Variants in GCNT4 observed in about 807,000 individuals in gnomAD.
GCNT4 encodes the protein beta-1,3-galactosyl-O-glycosyl-glycoprotein beta-1,6-N-acetylglucosaminyltransferase 4.
Under a neutral mutation model 31.3 loss-of-function variants are expected in GCNT4, and 17 were observed. The observed-to-expected ratio is 0.54, with a 90% CI of 0.37 to 0.81. The LOEUF is 0.81. Ranked by LOEUF, GCNT4 falls within the 40% of genes least tolerant of loss-of-function variation. The pLI is 0.00. For synonymous variants in GCNT4, 158 were observed against 190.6 expected, an observed-to-expected ratio of 0.83 and a Z score of 1.41; for missense variants, 503 against 525.5, an observed-to-expected ratio of 0.96 and a Z score of 0.42.
chr5:75,041,879 A>G (rs1743328856), intron 3 of GCNT4, among the ~76,000 whole-genome samples: 1 of 152,210 alleles, frequency 6.6e-6, no homozygotes, highest in Non-Finnish European at 1.5e-5. Flanking sequence ...GGCCACATAC[A>G]ATGAAACTGA....
In GCNT4 at chr5:75,029,875, A is replaced by C; in HGVS notation, c.163T>G (p.Phe55Val). Residue 55 changes from phenylalanine (F) to valine (V), a missense_variant, in exon 4 of 4, where the codon TTT (phenylalanine) becomes GTT (valine). Physicochemically the swap from Phe to Val is conservative, Grantham distance 50. Coordinates refer to ENST00000652361, the MANE Select transcript of GCNT4 (RefSeq NM_001366737.1). Reference sequence around the variant, plus strand: ...ACATGAGTGTATCTGTTTCTTACAAAAGGCGAGGTACTTAGGGAGTACTCA... The same window carrying C: ...ACATGAGTGTATCTGTTTCTTACAACAGGCGAGGTACTTAGGGAGTACTCA... ...LVEYSLSTSP[F>V]VRNRYTHVKD... The C allele has an allele frequency of 1.9e-6, 3 of 1,614,174 alleles. No homozygotes were observed. The highest frequency in any genetic ancestry group is 2.5e-6 in the Non-Finnish European group (3 of 1,180,024).
At chr5:75,039,510 GATAA>G (rs1413106339) in intron 3 of GCNT4, among the ~76,000 whole-genome samples, 8 of 152,182 alleles carry the variant, frequency 5.3e-5, no homozygotes, top group African/African-American at 1.9e-4. Flanking sequence ...CAAGTCAGAA[GATAA>G]ATAACTTACC....
the GCNT4 span, among the ~76,000 whole-genome samples, chr5:75,020,281 CGGCAT>C: frequency 2.0e-5 from 3 of 152,128 alleles, no homozygotes; most frequent in Non-Finnish European, 2.9e-5. Flanking sequence ...TGGCACGGCA[CGGCAT>C]GGCACGGCAC....
Position 75,029,327 on chromosome 5 carries a change from A to G in GCNT4, c.711T>C (p.Phe237=), listed in dbSNP as rs745597009. The change falls in exon 4 of 4, where the codon TTT becomes TTC. Residue 237 remains phenylalanine (F), a synonymous_variant. Coordinates refer to ENST00000652361, the MANE Select transcript of GCNT4 (RefSeq NM_001366737.1). ...CGQDFPLKSN[F]ELVSELKKLN... ...GTTTTTTCAACTCTGACACCAATTC[A>G]AAATTTGACTTCAGGGGAAAATCTT... The G allele has an allele frequency of 1.2e-6, 2 of 1,614,122 alleles. No homozygotes were observed. Among genetic ancestry groups the G allele is most frequent in the South Asian group, 1.1e-5 (1 of 91,082 alleles).
At chr5:75,038,541 A>C (rs182330864) in intron 3 of GCNT4, among the ~76,000 whole-genome samples, 19 of 152,322 alleles carry the variant, frequency 1.2e-4, no homozygotes, top group Admixed American at 1.2e-3. Flanking sequence ...GCAGTTCTAG[A>C]AGCTGGGAAG....
rs75788984 is a variant in GCNT4, at chr5:75,043,366, A to C, written c.-2+4531T>G. 1.3e-3 allele frequency among the ~76,000 whole-genome samples: 195 copies of C among 152,346 alleles called. 3 individuals carry two copies. In the East Asian group the frequency reaches 0.031, roughly 24 times the overall value. The stretch of plus-strand genomic sequence containing the variant: ...CTGGTAGAGAGCCAGTTGCCTTCCA[A>C]CATCCATCCTCTCTTCTTTACTAAG... On this transcript the variant is annotated intron_variant, in intron 3 of 3. Transcript: ENST00000652361.
rs1340382779 is a variant in GCNT4, at chr5:75,026,499, T to C, written c.*2177A>G. On this transcript the variant is annotated 3_prime_UTR_variant, in exon 4 of 4. Coordinates refer to ENST00000652361, the MANE Select transcript of GCNT4 (RefSeq NM_001366737.1). ...ACTGGGGACTCTCTTTATATTTCAA[T>C]AGTTTTTCAGAAAAGGTAAATGTTT... is the stretch of plus-strand genomic sequence containing the variant. The C allele has an allele frequency of 6.6e-6, 1 of 152,116 alleles. No individual in the cohort carries two copies. The highest frequency in any genetic ancestry group is 6.5e-5 in the Admixed American group (1 of 15,274). The allele number at this position is 152,116 out of a possible 1,614,324, so 9.4% of individuals were successfully genotyped here.
intron 3 of GCNT4, among the ~76,000 whole-genome samples, chr5:75,036,035 A>G (rs2149961782): frequency 6.6e-6 from 1 of 152,264 alleles, no homozygotes; most frequent in African/African-American, 2.4e-5. Context: ...TCCATAACAA[A>G]ATCTATGCAC....
intron 3 of GCNT4, among the ~76,000 whole-genome samples, chr5:75,032,828 T>C (rs1204803328): frequency 1.3e-5 from 2 of 149,146 alleles, no homozygotes; most frequent in African/African-American, 2.5e-5. Flanking sequence ...ATGTGTAGAA[T>C]TGGGTGTTGT....
At chr5:75,037,651 C>A (rs935698188) in intron 3 of GCNT4, among the ~76,000 whole-genome samples, 1 of 151,926 alleles carries the variant, frequency 6.6e-6, no homozygotes, top group Non-Finnish European at 1.5e-5. Flanking sequence ...GGCCTGAGTG[C>A]AGATCACCTG....
chr5:75,039,689 A>G (rs988655564), intron 3 of GCNT4, among the ~76,000 whole-genome samples: 6 of 152,072 alleles, frequency 3.9e-5, no homozygotes, highest in African/African-American at 1.4e-4. Flanking sequence ...ATGTATTTCA[A>G]ATCCACCCAC....
chr5:75,046,350 A>C (rs1377338637), intron 3 of GCNT4, among the ~76,000 whole-genome samples: 1 of 152,160 alleles, frequency 6.6e-6, no homozygotes, highest in African/African-American at 2.4e-5. Context: ...CAGCACAAAT[A>C]TTGCAAATAT....
At chr5:75,019,280 C>A in the GCNT4 span, among the ~76,000 whole-genome samples, 1 of 152,086 alleles carries the variant, frequency 6.6e-6, no homozygotes, top group Admixed American at 6.5e-5. Flanking sequence ...GGGAGAGAGC[C>A]CTAACCACAC....
intron 3 of GCNT4, among the ~76,000 whole-genome samples, chr5:75,031,952 A>G (rs2149955323): frequency 6.6e-6 from 1 of 152,312 alleles, no homozygotes; most frequent in African/African-American, 2.4e-5. Flanking sequence ...ATGGAAGACA[A>G]TCATTGTATC....
chr5:75,023,973 T>C (rs879745966), downstream of GCNT4: 16 of 152,218 alleles, frequency 1.1e-4, no homozygotes. Flanking sequence ...AGTCTTCCTG[T>C]GGCTTTGGTG....
chr5:75,021,968 G>A (rs951591010), downstream of GCNT4, among the ~76,000 whole-genome samples: 16 of 152,138 alleles, frequency 1.1e-4, no homozygotes, highest in Admixed American at 7.2e-4. Flanking sequence ...ACATTTACAC[G>A]ATCCTGAGTA....
At chr5:75,021,298 AAAAAAG>A (rs1486118704), downstream of GCNT4, among the ~76,000 whole-genome samples, 3 of 152,330 alleles carry the variant, frequency 2.0e-5, no homozygotes, top group Non-Finnish European at 2.9e-5. Context: ...TTTTGTGATT[AAAAAAG>A]AAAAAGGAAC....
chr5:75,045,773 GA>G (rs1284585871), intron 3 of GCNT4, among the ~76,000 whole-genome samples: 4 of 152,214 alleles, frequency 2.6e-5, no homozygotes, highest in Non-Finnish European at 2.9e-5. Flanking sequence ...GATACAACTA[GA>G]AACTCTACTG....
downstream of GCNT4, chr5:75,023,701 G>C (rs1338919359): frequency 1.3e-5 from 2 of 152,166 alleles, no homozygotes; most frequent in Non-Finnish European, 2.9e-5. Flanking sequence ...AGCATTCAGA[G>C]AACTATAATG....
Sources: allele counts gnomAD v4.1 joint callset (sites outside exome capture counted in the v4.1 genomes callset), GRCh38; gene constraint gnomAD v4.1.1; transcripts MANE v1.5; gene names NCBI Gene and HGNC (gene_info 2026-07-23, HGNC 2026-07-21).